The following PTPN9 variants were observed in gnomAD, a reference collection of about 807,000 sequenced individuals.
PTPN9 encodes the protein tyrosine-protein phosphatase non-receptor type 9.
PTPN9 carries 26 observed loss-of-function variants against 69.8 expected under a neutral mutation model. The observed-to-expected ratio is 0.37, with a 90% CI of 0.27 to 0.52. The LOEUF (loss-of-function observed/expected upper bound fraction) is 0.52. Ranked by LOEUF, PTPN9 falls within the 20% of genes least tolerant of loss-of-function variation. The pLI, the probability that PTPN9 is intolerant of heterozygous loss-of-function variation, is 0.91. For synonymous variants in PTPN9, 274 were observed against 272.5 expected, an observed-to-expected ratio of 1.01 and a Z score of -0.05; for missense variants, 549 against 740.3, an observed-to-expected ratio of 0.74 and a Z score of 3.00.
At chr15:75,489,511 C>T (rs1220216291) in intron 8 of PTPN9, among the ~76,000 whole-genome samples, 1 of 152,044 alleles carries the variant, frequency 6.6e-6, no homozygotes, top group South Asian at 2.1e-4. Flanking sequence ...ATCACTTGAG[C>T]CCAGGAGGTC....
At chr15:75,541,986 G>A (rs1308703825) in intron 1 of PTPN9, among the ~76,000 whole-genome samples, 1 of 151,886 alleles carries the variant, frequency 6.6e-6, no homozygotes, top group South Asian at 2.1e-4. Context: ...GCAGTGAGCC[G>A]AGATGGTGCC....
At position 75,506,021 on chromosome 15, in the gene PTPN9, A is replaced by G. The variant is rs1430576324; in HGVS notation, c.640-18T>C. On this transcript the variant is annotated intron_variant, in intron 6 of 12. Coordinates refer to ENST00000618819, the MANE Select transcript of PTPN9 (RefSeq NM_002833.4). ...ATTTGAATCTGGAAGGTTAGAAAGAACCATGTGAGTATGTGGGAGGAGGGA... is the reference window on the plus strand; with the variant it reads ...ATTTGAATCTGGAAGGTTAGAAAGAGCCATGTGAGTATGTGGGAGGAGGGA... The G allele has an allele frequency of 6.4e-7, 1 of 1,570,610 alleles. No homozygotes were observed. The highest frequency in any genetic ancestry group is 8.7e-7 in the Non-Finnish European group (1 of 1,143,692).
intron 4 of PTPN9, among the ~76,000 whole-genome samples, chr15:75,520,171 T>A (rs1258291351): frequency 3.3e-5 from 5 of 152,092 alleles, no homozygotes; most frequent in Non-Finnish European, 7.3e-5. Context: ...AATTATTGAA[T>A]AGGCTATCCA....
At chr15:75,527,714 G>C (rs917152907) in intron 1 of PTPN9, among the ~76,000 whole-genome samples, 8 of 152,096 alleles carry the variant, frequency 5.3e-5, no homozygotes, top group Admixed American at 3.3e-4. Flanking sequence ...AAACTAGCCG[G>C]ATGTGGTGGC....
At position 75,470,063 on chromosome 15, in the gene PTPN9, C is replaced by G. The variant is rs2074555973; in HGVS notation, c.1360-64G>C. On this transcript the variant is annotated intron_variant, in intron 11 of 12. Coordinates refer to ENST00000618819, the MANE Select transcript of PTPN9 (RefSeq NM_002833.4). ...TCTGCCTGCCCCTAGCTACCTCTGGCTTTTCCAGATTCTCAACACCCTGGT... is the reference window on the plus strand; with the variant it reads ...TCTGCCTGCCCCTAGCTACCTCTGGGTTTTCCAGATTCTCAACACCCTGGT... 5 of 1,440,364 alleles carry G rather than the reference C, an allele frequency of 3.5e-6. No individual in the cohort carries two copies. In the South Asian group the frequency reaches 6.0e-5, roughly 17 times the overall value. The allele number at this position is 1,440,364 out of a possible 1,614,324, so 89.2% of individuals were successfully genotyped here. A position where few individuals can be genotyped will look rare whatever the true frequency, so the allele number is the denominator to read the frequency against.
intron 1 of PTPN9, among the ~76,000 whole-genome samples, chr15:75,554,355 C>T (rs1344288772): frequency 6.6e-6 from 1 of 151,892 alleles, no homozygotes; most frequent in Admixed American, 6.6e-5. Context: ...CCACCACGCC[C>T]GGCTAATTTT....
chr15:75,531,136 A>T (rs2074962442), intron 1 of PTPN9, among the ~76,000 whole-genome samples: 1 of 151,262 alleles, frequency 6.6e-6, no homozygotes, highest in South Asian at 2.1e-4. Flanking sequence ...TCATCCCCCA[A>T]TTTCTAGGAA....
chr15:75,478,327 A>G (rs1010070286), intron 9 of PTPN9, among the ~76,000 whole-genome samples: 4 of 148,562 alleles, frequency 2.7e-5, no homozygotes, highest in African/African-American at 1.0e-4. Context: ...CTGGTCTCGA[A>G]CTTCCAACCT....
chr15:75,485,354 C>CTTTTTTT lies in PTPN9; in HGVS notation c.1062+4847_1062+4853dup, dbSNP rs891447336. Among the ~76,000 whole-genome samples, 21 of 78,764 alleles carry CTTTTTTT rather than the reference C, an allele frequency of 2.7e-4. 1 individual carries two copies. Among genetic ancestry groups the CTTTTTTT allele is most frequent in the African/African-American group, 5.3e-4 (10 of 18,692 alleles). 51.7% of individuals were successfully genotyped at this position (78,764 alleles called of 152,430 possible). On this transcript the variant is annotated intron_variant, in intron 8 of 12. Transcript: ENST00000618819. ...CATGCTTTGAAAAGAATTGTCACTT[C>CTTTTTTT]TTTTTTTTTTTTTTTTTTTTTTTTT...
intron 4 of PTPN9, among the ~76,000 whole-genome samples, chr15:75,519,737 G>A (rs940429583): frequency 6.6e-6 from 1 of 151,488 alleles, no homozygotes; most frequent in South Asian, 2.1e-4. Context: ...CTCCCAAAGT[G>A]CTGGGATTAC....
chr15:75,541,669 G>A (rs1445100641), intron 1 of PTPN9, among the ~76,000 whole-genome samples: 4 of 151,946 alleles, frequency 2.6e-5, no homozygotes, highest in African/African-American at 9.7e-5. Context: ...GCCTCTCAAA[G>A]TGCTGGGATT....
intron 6 of PTPN9, among the ~76,000 whole-genome samples, chr15:75,507,868 C>T (rs1270216211): frequency 1.3e-5 from 2 of 151,994 alleles, no homozygotes; most frequent in Middle Eastern, 3.4e-3. Flanking sequence ...TATGGTGAAA[C>T]ACCGTCTCTA....
chr15:75,497,627 C>T (rs1336643310), intron 7 of PTPN9, among the ~76,000 whole-genome samples: 1 of 151,676 alleles, frequency 6.6e-6, no homozygotes, highest in Non-Finnish European at 1.5e-5. Context: ...ATGGCGAAAC[C>T]CCGTCTCTAT....
intron 3 of PTPN9, 51 bp downstream of exon 3, chr15:75,524,158 G>T: frequency 4.2e-6 from 4 of 959,598 alleles, no homozygotes; most frequent in Non-Finnish European, 6.0e-6. Context: ...CAGGACACCA[G>T]TTAAAAAAGG....
In PTPN9 at chr15:75,534,481, C is replaced by T. The variant is rs867427449; in HGVS notation, c.64-7220G>A. On this transcript the variant is annotated intron_variant, in intron 1 of 12. Transcript: ENST00000618819. Reference sequence around the variant, plus strand: ...TTGAGCCCAGGAGTTAGAGACCAGCCTGGGCAACATGGTGAGACCCCATCT... The same window carrying T: ...TTGAGCCCAGGAGTTAGAGACCAGCTTGGGCAACATGGTGAGACCCCATCT... Among the ~76,000 whole-genome samples, 35 of 152,012 alleles carry T rather than the reference C, an allele frequency of 2.3e-4. 1 individual carries two copies. The highest frequency in any genetic ancestry group is 7.2e-4 in the Admixed American group (11 of 15,256).
chr15:75,530,199 CAAAAAA>C (rs1171614508), intron 1 of PTPN9, among the ~76,000 whole-genome samples: 1 of 28,266 alleles, frequency 3.5e-5, no homozygotes, highest in Admixed American at 4.8e-4. Flanking sequence ...GACTCCATCT[CAAAAAA>C]AAAAAAAAAA....
chr15:75,538,273 G>A (rs748754981), intron 1 of PTPN9, among the ~76,000 whole-genome samples: 220 of 152,142 alleles, frequency 1.4e-3, no homozygotes, highest in Non-Finnish European at 2.3e-3. Flanking sequence ...TCACACATAG[G>A]CCCCGTAATT....
chr15:75,491,801 G>A (rs1379518648), intron 7 of PTPN9, among the ~76,000 whole-genome samples: 2 of 152,026 alleles, frequency 1.3e-5, no homozygotes, highest in African/African-American at 4.8e-5. Flanking sequence ...GGAGAGAAGG[G>A]GAGAGAAATG....
At chr15:75,475,269 C>T (rs1481870317) in intron 9 of PTPN9, among the ~76,000 whole-genome samples, 1 of 152,130 alleles carries the variant, frequency 6.6e-6, no homozygotes, top group African/African-American at 2.4e-5. Flanking sequence ...TTGTGGGCTA[C>T]CAACTCCACT....
Sources: allele counts gnomAD v4.1 joint callset (sites outside exome capture counted in the v4.1 genomes callset), GRCh38; gene constraint gnomAD v4.1.1; transcripts MANE v1.5; gene names NCBI Gene and HGNC (gene_info 2026-07-23, HGNC 2026-07-21).